The following ESRP1 variants were observed in gnomAD, a reference collection of about 807,000 sequenced individuals.
ESRP1 encodes epithelial splicing regulatory protein 1.
In ESRP1, 33 loss-of-function variants were observed where a neutral mutation model predicts 81.7. The ratio of observed to expected loss-of-function variants is 0.40; its 90% confidence interval spans 0.31 to 0.54. The LOEUF is 0.54. Ranked by LOEUF, ESRP1 falls within the 20% of genes least tolerant of loss-of-function variation. The pLI, the probability that ESRP1 is intolerant of heterozygous loss-of-function variation, is 0.41. For synonymous variants in ESRP1, 320 were observed against 303.3 expected (o/e 1.06, Z -0.57); for missense variants, 672 against 833.1 (o/e 0.81, Z 2.38).
rs575819514 is a variant in ESRP1, at chr8:94,706,308, A to G, written c.*419A>G. The stretch of plus-strand genomic sequence containing the variant: ...TCTGTTAAGGAAGCTTCATTTTTGT[A>G]TATTCCCGCTCTTTTCTCTTCATTT... On this transcript the variant is annotated 3_prime_UTR_variant, in exon 16 of 16. Transcript: ENST00000433389. The G allele has an allele frequency of 1.9e-4, 36 of 193,672 alleles. 1 individual carries two copies. Among genetic ancestry groups the G allele is most frequent in the Middle Eastern group, 2.1e-3 (1 of 484 alleles). The allele number at this position is 193,672 out of a possible 1,614,324, so 12.0% of individuals were successfully genotyped here.
At chr8:94,644,212 T>A (rs1263664867) in intron 3 of ESRP1, among the ~76,000 whole-genome samples, 1 of 152,200 alleles carries the variant, frequency 6.6e-6, no homozygotes, top group East Asian at 1.9e-4. Flanking sequence ...GTGTAGCCAA[T>A]CATTGTTAAT....
chr8:94,684,127 G>T (rs1809041341), intron 13 of ESRP1, among the ~76,000 whole-genome samples: 1 of 144,672 alleles, frequency 6.9e-6, no homozygotes, highest in African/African-American at 2.6e-5. Context: ...GATTACAGGT[G>T]TGAGCCACTG....
At chr8:94,667,446 A>G (rs1819087554) in intron 9 of ESRP1, among the ~76,000 whole-genome samples, 1 of 151,706 alleles carries the variant, frequency 6.6e-6, no homozygotes, top group Non-Finnish European at 1.5e-5. Context: ...AAAAAAAAAA[A>G]AGGTAATTGA....
At chr8:94,667,607 A>G (rs1023687782) in intron 9 of ESRP1, among the ~76,000 whole-genome samples, 3 of 152,120 alleles carry the variant, frequency 2.0e-5, no homozygotes, top group African/African-American at 7.2e-5. Flanking sequence ...ACGGAGTTGA[A>G]CTTGACTAAG....
rs34301115 is a variant in ESRP1, at chr8:94,653,142, G to GAA, written c.490+6868_490+6869dup. Among the ~76,000 whole-genome samples the GAA allele has an allele frequency of 4.0e-4, 60 of 151,182 alleles. No individual in the cohort carries two copies. In the East Asian group the frequency reaches 6.2e-3, roughly 16 times the overall value. Reference sequence around the variant, plus strand: ...CACTAGGGCAAATTTCCATTATCAGGAAAAAAAAATCACTAAACTGCTCAT... The same window carrying GAA: ...CACTAGGGCAAATTTCCATTATCAGGAAAAAAAAAAATCACTAAACTGCTCAT... On this transcript the variant is annotated intron_variant, in intron 4 of 15. Coordinates refer to ENST00000433389, the MANE Select transcript of ESRP1 (RefSeq NM_017697.4).
chr8:94,653,892 C>T (rs1257399751), intron 4 of ESRP1, among the ~76,000 whole-genome samples: 1 of 152,200 alleles, frequency 6.6e-6, no homozygotes, highest in Non-Finnish European at 1.5e-5. Flanking sequence ...TCTCTGGCAT[C>T]ACATTGGCAT....
At chr8:94,692,949 T>C in intron 14 of ESRP1, 122 bp downstream of exon 14, 1 of 1,079,758 alleles carries the variant, frequency 9.3e-7, no homozygotes, top group Non-Finnish European at 1.3e-6. Context: ...TGCTAATGGA[T>C]TTGCTTATGG....
chr8:94,689,232 T>C (rs543167058), intron 13 of ESRP1, among the ~76,000 whole-genome samples: 34 of 121,196 alleles, frequency 2.8e-4, no homozygotes, highest in Admixed American at 7.6e-4. Flanking sequence ...GCCTGGGTGA[T>C]AGCGAGACTC....
intron 12 of ESRP1, 123 bp from the exon 13 acceptor site, chr8:94,678,080 A>T: frequency 9.9e-7 from 1 of 1,011,070 alleles, no homozygotes; most frequent in East Asian, 2.5e-5. Context: ...TTGGGATAGG[A>T]TAAAGAACTG....
chr8:94,672,694 G>T (rs929398116), intron 11 of ESRP1, among the ~76,000 whole-genome samples: 2 of 151,984 alleles, frequency 1.3e-5, no homozygotes, highest in African/African-American at 4.8e-5. Context: ...CACCATTCCC[G>T]GCTAATTTTG....
At chr8:94,649,337 A>G (rs528215903) in intron 4 of ESRP1, among the ~76,000 whole-genome samples, 3 of 152,174 alleles carry the variant, frequency 2.0e-5, no homozygotes, top group South Asian at 4.1e-4. Flanking sequence ...GTTTGCCACC[A>G]TATCCTGGCC....
At chr8:94,689,332 A>G (rs768678530) in intron 13 of ESRP1, among the ~76,000 whole-genome samples, 1 of 151,202 alleles carries the variant, frequency 6.6e-6, no homozygotes, top group Non-Finnish European at 1.5e-5. Flanking sequence ...TTTTCTTTTA[A>G]CAATGTTTTG....
intron 13 of ESRP1, among the ~76,000 whole-genome samples, chr8:94,683,288 T>C (rs1457033961): frequency 6.6e-6 from 1 of 152,138 alleles, no homozygotes; most frequent in Non-Finnish European, 1.5e-5. Flanking sequence ...ACTAAACACA[T>C]TGATCTTTGG....
intron 15 of ESRP1, among the ~76,000 whole-genome samples, chr8:94,702,780 G>A (rs1809890377): frequency 6.6e-6 from 1 of 152,150 alleles, no homozygotes; most frequent in Non-Finnish European, 1.5e-5. Context: ...GCCACGCCCA[G>A]CCTTCAAGTG....
At chr8:94,673,505 A>G (rs1471728541) in intron 11 of ESRP1, among the ~76,000 whole-genome samples, 1 of 152,208 alleles carries the variant, frequency 6.6e-6, no homozygotes, top group African/African-American at 2.4e-5. Flanking sequence ...ATAAGAAAGT[A>G]GTCCTGTAAG....
At chr8:94,643,711 A>G (rs1374172105) in intron 3 of ESRP1, among the ~76,000 whole-genome samples, 1 of 150,842 alleles carries the variant, frequency 6.6e-6, no homozygotes, top group Non-Finnish European at 1.5e-5. Flanking sequence ...GTGACTTAAA[A>G]TAGTCTCTTT....
At chr8:94,694,025 T>C (rs1809502400) in intron 14 of ESRP1, among the ~76,000 whole-genome samples, 1 of 152,220 alleles carries the variant, frequency 6.6e-6, no homozygotes, top group Admixed American at 6.5e-5. Flanking sequence ...GTTAAAAAGT[T>C]ACTTTTTAAA....
chr8:94,673,024 G>A (rs1819410026), intron 11 of ESRP1, among the ~76,000 whole-genome samples: 1 of 152,140 alleles, frequency 6.6e-6, no homozygotes, highest in Non-Finnish European at 1.5e-5. Context: ...CTGTACCATT[G>A]GATACAAGGA....
chr8:94,668,118 T>C lies in ESRP1; in HGVS notation c.1101T>C (p.Gly367=), dbSNP rs1327894371. Reference sequence around the variant, plus strand: ...TCCTCTTTGTCACCTACCCAGATGGTAGGCCAACAGGGGACGCTTTTGTCC... The same window carrying C: ...TCCTCTTTGTCACCTACCCAGATGGCAGGCCAACAGGGGACGCTTTTGTCC... ...EGILFVTYPD[G]RPTGDAFVLF... The change falls in exon 10 of 16, where the codon GGT becomes GGC. Residue 367 remains glycine (G), a synonymous_variant. Transcript: ENST00000433389. 3.7e-6 allele frequency: 6 copies of C among 1,614,034 alleles called. No individual in the cohort carries two copies. Among genetic ancestry groups the C allele is most frequent in the East Asian group, 2.2e-5 (1 of 44,882 alleles).
Sources: allele counts gnomAD v4.1 joint callset (sites outside exome capture counted in the v4.1 genomes callset), GRCh38; gene constraint gnomAD v4.1.1; transcripts MANE v1.5; gene names NCBI Gene and HGNC (gene_info 2026-07-23, HGNC 2026-07-21).